NCKAP5: variants seen among roughly 807,000 people sequenced by gnomAD.
NCKAP5 encodes the protein NCK associated protein 5.
NCKAP5 carries 92 observed loss-of-function variants against 167.0 expected under a neutral mutation model. The observed-to-expected ratio is 0.55, with a 90% CI of 0.47 to 0.66. The LOEUF (loss-of-function observed/expected upper bound fraction) is 0.66. NCKAP5 is among the 30% of genes least tolerant of loss of function. NCKAP5 has a pLI of 0.00. For synonymous variants in NCKAP5, 891 were observed against 877.4 expected (o/e 1.02, Z -0.27); for missense variants, 2,378 against 2,315.0 (o/e 1.03, Z -0.56).
At chr2:133,178,896 T>C (rs1333871701) in intron 5 of NCKAP5, among the ~76,000 whole-genome samples, 1 of 149,668 alleles carries the variant, frequency 6.7e-6, no homozygotes, top group Non-Finnish European at 1.5e-5. Flanking sequence ...CTAAGCATGG[T>C]AGCTCATTCC....
chr2:133,417,405 C>T (rs769955551), intron 3 of NCKAP5, among the ~76,000 whole-genome samples: 1 of 152,198 alleles, frequency 6.6e-6, no homozygotes, highest in South Asian at 2.1e-4. Context: ...CTAAAGACTG[C>T]GCAGCCTGGA....
rs559913831 is a variant in NCKAP5, at chr2:133,325,961, G to A, written c.70-22851C>T. ...AAAGAAGTTGTTGATGGTGTGTGCT[G>A]GAGTTGGTAAAGCTGAAACTACCCA... On this transcript the variant is annotated intron_variant, in intron 3 of 19. Coordinates refer to ENST00000409261, the MANE Select transcript of NCKAP5 (RefSeq NM_207363.3). Among the ~76,000 whole-genome samples, 302 of 152,326 alleles carry A rather than the reference G, an allele frequency of 2.0e-3. 1 individual carries two copies. The highest frequency in any genetic ancestry group is 3.4e-3 in the Middle Eastern group (1 of 294).
At chr2:133,556,807 G>T (rs2043233) in intron 2 of NCKAP5, 1 of 152,270 alleles carries the variant, frequency 6.6e-6, no homozygotes, top group East Asian at 1.9e-4. Context: ...GGTATGGAGA[G>T]ATGGAGACTA....
chr2:133,114,559 C>T (rs916701917), intron 6 of NCKAP5, among the ~76,000 whole-genome samples: 10 of 152,166 alleles, frequency 6.6e-5, no homozygotes, highest in African/African-American at 2.4e-4. Flanking sequence ...AATATTCCAA[C>T]CATATCTTCA....
chr2:133,446,289 G>C (rs983175900), intron 3 of NCKAP5, among the ~76,000 whole-genome samples: 1 of 152,204 alleles, frequency 6.6e-6, no homozygotes, highest in African/African-American at 2.4e-5. Flanking sequence ...ATTTGTTCAT[G>C]TTATAAATAG....
At chr2:132,726,739 T>C (rs1355089296) in intron 18 of NCKAP5, among the ~76,000 whole-genome samples, 1 of 152,252 alleles carries the variant, frequency 6.6e-6, no homozygotes, top group Non-Finnish European at 1.5e-5. Context: ...TACTCTTTCA[T>C]TCATTTACTT....
chr2:133,233,002 C>T (rs775300036), intron 4 of NCKAP5, among the ~76,000 whole-genome samples: 15 of 152,156 alleles, frequency 9.9e-5, no homozygotes, highest in Non-Finnish European at 1.9e-4. Context: ...GAAGGAGCCA[C>T]ATTAAATCTA....
intron 11 of NCKAP5, among the ~76,000 whole-genome samples, chr2:132,838,890 T>C (rs1362465506): frequency 1.3e-5 from 2 of 152,230 alleles, no homozygotes; most frequent in African/African-American, 4.8e-5. Flanking sequence ...ATTATTTCTC[T>C]CCTTGATTAT....
At chr2:133,640,526 G>A in the NCKAP5 span, among the ~76,000 whole-genome samples, 899 of 152,220 alleles carry the variant, frequency 5.9e-3, 12 homozygotes, top group African/African-American at 0.021. Context: ...AAATAACGAA[G>A]CAAACTTCTG....
chr2:132,853,418 T>A (rs1330920486), intron 11 of NCKAP5, among the ~76,000 whole-genome samples: 1 of 152,158 alleles, frequency 6.6e-6, no homozygotes, highest in Admixed American at 6.5e-5. Flanking sequence ...GCATCTGATC[T>A]CCGAGCATGA....
intron 3 of NCKAP5, among the ~76,000 whole-genome samples, chr2:133,411,462 C>A (rs1279716631): frequency 6.6e-6 from 1 of 152,180 alleles, no homozygotes; most frequent in Non-Finnish European, 1.5e-5. Flanking sequence ...GAAGGATCTG[C>A]AGCAGGACAA....
the NCKAP5 span, among the ~76,000 whole-genome samples, chr2:133,664,349 G>A: frequency 6.6e-6 from 1 of 152,170 alleles, no homozygotes; most frequent in South Asian, 2.1e-4. Context: ...TCATCTTAAA[G>A]TGACTAGCTG....
intron 16 of NCKAP5, among the ~76,000 whole-genome samples, chr2:132,761,350 C>A (rs902529074): frequency 1.3e-5 from 2 of 152,212 alleles, no homozygotes; most frequent in African/African-American, 4.8e-5. Flanking sequence ...TATGAGACTT[C>A]CGGTGTTGAA....
chr2:133,111,765 C>A (rs2081922193), intron 6 of NCKAP5, among the ~76,000 whole-genome samples: 1 of 152,148 alleles, frequency 6.6e-6, no homozygotes, highest in African/African-American at 2.4e-5. Context: ...CATTCAAGAG[C>A]CTCATTCACA....
intron 4 of NCKAP5, among the ~76,000 whole-genome samples, chr2:133,276,058 T>G (rs1027822846): frequency 6.6e-6 from 1 of 152,018 alleles, no homozygotes; most frequent in Non-Finnish European, 1.5e-5. Flanking sequence ...CTCCTCCTCC[T>G]CAGCCCATTT....
At chr2:132,726,521 G>C (rs1558975392) in intron 18 of NCKAP5, among the ~76,000 whole-genome samples, 2 of 152,170 alleles carry the variant, frequency 1.3e-5, no homozygotes, top group South Asian at 2.1e-4. Context: ...GTGTTGAATC[G>C]AGGTTATTTG....
chr2:133,347,827 A>G lies in NCKAP5; in HGVS notation c.70-44717T>C, dbSNP rs1041450405. 2.6e-5 allele frequency among the ~76,000 whole-genome samples: 4 copies of G among 152,226 alleles called. No individual in the cohort carries two copies. The East Asian group carries it at 7.7e-4, about 29-fold the overall frequency. On this transcript the variant is annotated intron_variant, in intron 3 of 19. Transcript: ENST00000409261. ...CTACAAGGCTGGGCCCACAGCATGC[A>G]CATGTCATGGCATAGCTCTGCCTTC...
At chr2:133,184,327 A>G (rs978631967) in intron 5 of NCKAP5, among the ~76,000 whole-genome samples, 3 of 152,162 alleles carry the variant, frequency 2.0e-5, no homozygotes, top group African/African-American at 7.2e-5. Context: ...GTAGTATTCT[A>G]CGGTGTATAT....
rs571303107 is a variant in NCKAP5, at chr2:132,951,269, G to GT, written c.579+12450dup. Among the ~76,000 whole-genome samples the GT allele has an allele frequency of 2.8e-4, 43 of 152,282 alleles. No individual in the cohort carries two copies. The South Asian group carries it at 5.0e-3, about 18-fold the overall frequency. ...AGGCTGAGCCTGCCCTGGGTGTGCT[G>GT]TAACTAAGGCGTTCCAATTCCAAAG... On this transcript the variant is annotated intron_variant, in intron 8 of 19. Transcript: ENST00000409261.
Sources: allele counts gnomAD v4.1 joint callset (sites outside exome capture counted in the v4.1 genomes callset), GRCh38; gene constraint gnomAD v4.1.1; transcripts MANE v1.5; gene names NCBI Gene and HGNC (gene_info 2026-07-23, HGNC 2026-07-21).